STXBP4: variants seen among roughly 807,000 people sequenced by gnomAD.
STXBP4 encodes the protein syntaxin binding protein 4.
Under a neutral mutation model 76.1 loss-of-function variants are expected in STXBP4, and 55 were observed. That is an observed-to-expected ratio of 0.72 (90% CI 0.58 to 0.91). The LOEUF (loss-of-function observed/expected upper bound fraction) is 0.91. Ranked by LOEUF, STXBP4 falls within the 40% of genes least tolerant of loss-of-function variation. STXBP4 has a pLI of 0.00. For missense variants in STXBP4, 618 were observed against 636.9 expected, an observed-to-expected ratio of 0.97 and a Z score of 0.32; for synonymous variants, 201 against 220.2, an observed-to-expected ratio of 0.91 and a Z score of 0.77.
the STXBP4 span, among the ~76,000 whole-genome samples, chr17:55,204,833 C>CACACACACACACAT: frequency 0.063 from 7,811 of 123,140 alleles, 353 homozygotes; most frequent in East Asian, 0.29. Flanking sequence ...CACACACACA[C>CACACACACACACAT]ACACACACAC....
chr17:55,144,244 C>T (rs2080126584), intron 17 of STXBP4, among the ~76,000 whole-genome samples: 1 of 152,116 alleles, frequency 6.6e-6, no homozygotes, highest in African/African-American at 2.4e-5. Flanking sequence ...ATAGGAAAAT[C>T]TAACAATATG....
the STXBP4 span, among the ~76,000 whole-genome samples, chr17:55,194,096 C>T: frequency 6.6e-6 from 1 of 152,070 alleles, no homozygotes; most frequent in East Asian, 1.9e-4. Context: ...CATATGCCTG[C>T]ATTCAATCCT....
chr17:54,999,606 A>C lies in STXBP4; in HGVS notation c.288-26A>C, dbSNP rs190507426. The C allele has an allele frequency of 2.5e-6, 4 of 1,592,818 alleles. No individual in the cohort carries two copies. The South Asian group carries it at 3.4e-5, about 13-fold the overall frequency. On this transcript the variant is annotated intron_variant, in intron 5 of 17. Coordinates refer to ENST00000376352, the MANE Select transcript of STXBP4 (RefSeq NM_178509.6). ...GTTGTACTATATTCATAGCATATCC[A>C]TAAAGTGATTTCTTTTTAGTACTAG...
At chr17:55,151,682 A>G (rs1036420773) in intron 17 of STXBP4, among the ~76,000 whole-genome samples, 3 of 152,214 alleles carry the variant, frequency 2.0e-5, no homozygotes, top group South Asian at 2.1e-4. Context: ...GACCGAAGGG[A>G]AGCGTGAGCT....
chr17:54,987,506 T>C (rs2077643066), intron 3 of STXBP4, among the ~76,000 whole-genome samples: 1 of 152,216 alleles, frequency 6.6e-6, no homozygotes, highest in Admixed American at 6.5e-5. Flanking sequence ...AAAATCTTCC[T>C]TGTTTTTTGT....
At chr17:55,137,273 T>TTCCC (rs1200591951) in intron 16 of STXBP4, among the ~76,000 whole-genome samples, 44 of 145,704 alleles carry the variant, frequency 3.0e-4, no homozygotes, top group South Asian at 6.8e-4. Flanking sequence ...CACCTCCATG[T>TTCCC]TCCCTCCCTC....
chr17:55,016,834 CT>C (rs1310197414), intron 8 of STXBP4, among the ~76,000 whole-genome samples: 1 of 152,120 alleles, frequency 6.6e-6, no homozygotes, highest in Non-Finnish European at 1.5e-5. Context: ...AGTAAGCTAC[CT>C]TTTTGCTTTT....
chr17:55,087,015 G>A (rs931879374), intron 16 of STXBP4, among the ~76,000 whole-genome samples: 3 of 152,110 alleles, frequency 2.0e-5, no homozygotes, highest in Admixed American at 2.0e-4. Context: ...GACGATTAGT[G>A]ATGTTGAGCA....
intron 16 of STXBP4, among the ~76,000 whole-genome samples, chr17:55,108,395 C>T (rs1394568394): frequency 6.6e-6 from 1 of 152,182 alleles, no homozygotes; most frequent in Non-Finnish European, 1.5e-5. Flanking sequence ...CTGGCTTCAG[C>T]TCCCTTTCCA....
chr17:55,073,739 C>A (rs899485555), intron 13 of STXBP4, among the ~76,000 whole-genome samples: 4 of 152,154 alleles, frequency 2.6e-5, no homozygotes, highest in Non-Finnish European at 5.9e-5. Flanking sequence ...AGTGATTCTC[C>A]TGCCTCAGCC....
chr17:55,076,860 A>G (rs1325990975), intron 13 of STXBP4, among the ~76,000 whole-genome samples: 1 of 151,988 alleles, frequency 6.6e-6, no homozygotes, highest in Non-Finnish European at 1.5e-5. Context: ...CTGTTCCATT[A>G]TGAGAAGTTT....
rs533132943 is a variant in STXBP4 at position 55,165,395 on chromosome 17, T to G, written c.*5484T>G. Reference sequence around the variant, plus strand: ...ATTTGTCCCCTAGAATGGAAATGATTATGTGGTATGTTTAGGCAGTGGGAC... The same window carrying G: ...ATTTGTCCCCTAGAATGGAAATGATGATGTGGTATGTTTAGGCAGTGGGAC... On this transcript the variant is annotated 3_prime_UTR_variant, in exon 18 of 18. Transcript: ENST00000376352. The G allele has an allele frequency of 2.0e-5, 3 of 152,266 alleles. No homozygotes were observed. The East Asian group carries it at 5.8e-4, about 29-fold the overall frequency. The allele number at this position is 152,266 out of a possible 1,614,324, so 9.4% of individuals were successfully genotyped here.
At chr17:55,102,179 A>G (rs772791832) in intron 16 of STXBP4, among the ~76,000 whole-genome samples, 20 of 151,390 alleles carry the variant, frequency 1.3e-4, no homozygotes, top group Admixed American at 4.6e-4. Context: ...CAGAATTTGC[A>G]GTGTTGTTAC....
chr17:54,990,634 A>C (rs115576541), intron 3 of STXBP4, among the ~76,000 whole-genome samples, 191 bp from the exon 4 acceptor site: 65 of 152,012 alleles, frequency 4.3e-4, no homozygotes, highest in African/African-American at 1.6e-3. Flanking sequence ...CGAAACCATC[A>C]CCCCTCTGCA....
intron 8 of STXBP4, among the ~76,000 whole-genome samples, chr17:55,025,540 G>A (rs901445428): frequency 3.3e-5 from 5 of 152,102 alleles, no homozygotes; most frequent in South Asian, 4.2e-4. Context: ...ATTCTTTTAC[G>A]TGATGGTCTC....
At position 55,093,055 on chromosome 17, in the gene STXBP4, C is replaced by T. The variant is rs145887961; in HGVS notation, c.1489+11872C>T. ...TATTGCCCAAGCTGGAGTGCAGTGG[C>T]GCAATCTCGGCTCACTGCAACCTCT... On this transcript the variant is annotated intron_variant, in intron 16 of 17. Coordinates refer to ENST00000376352, the MANE Select transcript of STXBP4 (RefSeq NM_178509.6). Among the ~76,000 whole-genome samples, 533 of 152,004 alleles carry T rather than the reference C, an allele frequency of 3.5e-3. 13 individuals are homozygous for T. Among genetic ancestry groups the T allele is most frequent in the Middle Eastern group, 0.027 (8 of 294 alleles).
In STXBP4 at chr17:55,160,172, A is replaced by G. The variant is rs192731993; in HGVS notation, c.*261A>G. ...ATCACATATAATTAGACTTTATAATATATATACTTTTTCATATATAATTAG... is the reference window on the plus strand; with the variant it reads ...ATCACATATAATTAGACTTTATAATGTATATACTTTTTCATATATAATTAG... On this transcript the variant is annotated 3_prime_UTR_variant, in exon 18 of 18. Transcript: ENST00000376352. The G allele has an allele frequency of 1.2e-4, 28 of 226,626 alleles. No individual in the cohort carries two copies. The highest frequency in any genetic ancestry group is 1.0e-3 in the Admixed American group (18 of 17,994). 14.0% of individuals were successfully genotyped at this position (226,626 alleles called of 1,614,324 possible).
chr17:55,040,674 A>G (rs994128624), intron 10 of STXBP4, among the ~76,000 whole-genome samples: 2 of 152,204 alleles, frequency 1.3e-5, no homozygotes, highest in African/African-American at 2.4e-5. Context: ...TGACATCTCC[A>G]GAAGGAGACT....
intron 8 of STXBP4, among the ~76,000 whole-genome samples, chr17:55,014,920 T>G (rs939147554): frequency 1.3e-5 from 2 of 152,130 alleles, no homozygotes; most frequent in Non-Finnish European, 2.9e-5. Flanking sequence ...GTGGCCTTTT[T>G]TTTTTGTCCC....
Sources: allele counts gnomAD v4.1 joint callset (sites outside exome capture counted in the v4.1 genomes callset), GRCh38; gene constraint gnomAD v4.1.1; transcripts MANE v1.5; gene names NCBI Gene and HGNC (gene_info 2026-07-23, HGNC 2026-07-21).